The following ZFHX3 variants were observed in gnomAD, a reference collection of about 807,000 sequenced individuals.
ZFHX3 encodes the protein zinc finger homeobox 3.
A neutral mutation model predicts 279.1 loss-of-function variants in ZFHX3; 42 were observed. The observed-to-expected ratio is 0.15, with a 90% confidence interval of 0.12 to 0.19. ZFHX3 has a LOEUF of 0.19. ZFHX3 is among the 10% of genes least tolerant of loss of function. The pLI, the probability that ZFHX3 is intolerant of heterozygous loss-of-function variation, is 1.00. For synonymous variants in ZFHX3, 2,293 were observed against 1,957.8 expected, an observed-to-expected ratio of 1.17 and a Z score of -4.52; for missense variants, 4,981 against 4,754.0, an observed-to-expected ratio of 1.05 and a Z score of -1.40.
chr16:73,040,064 A>T (rs1394042016), intron 1 of ZFHX3, among the ~76,000 whole-genome samples: 1 of 152,216 alleles, frequency 6.6e-6, no homozygotes, highest in Non-Finnish European at 1.5e-5. Flanking sequence ...GTAGGTAAAC[A>T]TGGGGCTTAA....
chr16:73,649,490 T>C (rs970685686), intron 2 of ZFHX3, among the ~76,000 whole-genome samples: 4 of 152,212 alleles, frequency 2.6e-5, no homozygotes, highest in Non-Finnish European at 4.4e-5. Flanking sequence ...TTTCAAGTGA[T>C]TGTCTTTGGG....
At position 72,950,787 on chromosome 16, in the gene ZFHX3, G is replaced by A. The variant is rs759413020; in HGVS notation, c.2898C>T (p.Asn966=). Reference sequence around the variant, plus strand: ...CGTCCTCCGACAGGCTGCGCTCCACGTTCATGTGCAGGCCCAGCATGTCCA... The same window carrying A: ...CGTCCTCCGACAGGCTGCGCTCCACATTCATGTGCAGGCCCAGCATGTCCA... ...DNLDMLGLHM[N]VERSLSEDEW... The change falls in exon 3 of 10, where the codon AAC becomes AAT. Residue 966 remains asparagine (N), a synonymous_variant. Coordinates refer to ENST00000268489, the MANE Select transcript of ZFHX3 (RefSeq NM_006885.4). 1.2e-5 allele frequency: 20 copies of A among 1,614,072 alleles called. 1 individual carries two copies. The highest frequency in any genetic ancestry group is 4.4e-5 in the South Asian group (4 of 91,088).
chr16:73,055,696 G>GCACACACACACACACACA (rs200899475), intron 1 of ZFHX3, among the ~76,000 whole-genome samples: 4 of 94,692 alleles, frequency 4.2e-5, no homozygotes, highest in African/African-American at 9.7e-5. Flanking sequence ...GCGCGCGCGC[G>GCACACACACACACACACA]CGCACACACA....
At chr16:73,435,964 T>C (rs770439454) in intron 3 of ZFHX3, among the ~76,000 whole-genome samples, 1 of 152,186 alleles carries the variant, frequency 6.6e-6, no homozygotes, top group Non-Finnish European at 1.5e-5. Context: ...CCCAGTGCAC[T>C]AGGGATGGCT....
intron 1 of ZFHX3, among the ~76,000 whole-genome samples, chr16:73,028,127 C>G (rs1045075664): frequency 6.6e-6 from 1 of 152,038 alleles, no homozygotes; most frequent in Non-Finnish European, 1.5e-5. Context: ...GCGGCTTCTC[C>G]TTTTTTTGGG....
chr16:72,795,356 T>G lies in ZFHX3; in HGVS notation c.7326A>C (p.Gln2442His). The G allele has an allele frequency of 6.2e-7, 1 of 1,614,086 alleles. No individual in the cohort carries two copies. Among genetic ancestry groups the G allele is most frequent in the Non-Finnish European group, 8.5e-7 (1 of 1,180,018 alleles). ...LAEAPSAQPN[Q>H]TQEKQGQPKP... ...TTGGTTGTCCTTGCTTTTCTTGGGT[T>G]TGGTTTGGCTGTGCACTGGGAGCTT... Residue 2442 changes from glutamine (Q) to histidine (H), a missense_variant, in exon 9 of 10, where the codon CAA becomes CAC. Physicochemically the swap from Gln to His is conservative, Grantham distance 24. This residue lies in a region of ZFHX3 where 744 missense variants were observed against 701.3 expected (regional missense o/e 1.06). Transcript: ENST00000268489.
chr16:72,955,262 G>C (rs1961199304), intron 2 of ZFHX3, among the ~76,000 whole-genome samples: 2 of 152,194 alleles, frequency 1.3e-5, no homozygotes. Flanking sequence ...GACTGAGCTG[G>C]ATAAATCCTT....
chr16:73,449,622 A>T (rs2018248582), intron 3 of ZFHX3, among the ~76,000 whole-genome samples: 1 of 152,228 alleles, frequency 6.6e-6, no homozygotes, highest in African/African-American at 2.4e-5. Flanking sequence ...TTAATATAGA[A>T]GTATAAAATA....
intron 2 of ZFHX3, among the ~76,000 whole-genome samples, chr16:73,533,558 G>T (rs1424188395): frequency 6.6e-6 from 1 of 151,844 alleles, no homozygotes; most frequent in East Asian, 1.9e-4. Context: ...AGGAGTCCCA[G>T]ATTTGTATGC....
chr16:72,931,304 A>G (rs529351577), intron 3 of ZFHX3, among the ~76,000 whole-genome samples: 1 of 151,994 alleles, frequency 6.6e-6, no homozygotes, highest in East Asian at 1.9e-4. Context: ...ACGGTTTCGC[A>G]TTAAGTTCTC....
intron 1 of ZFHX3, among the ~76,000 whole-genome samples, chr16:73,879,820 C>T (rs1218272192): frequency 3.3e-5 from 5 of 151,900 alleles, no homozygotes; most frequent in Non-Finnish European, 1.5e-5. Flanking sequence ...TTGCCACTGG[C>T]GCACCCACAC....
At chr16:73,563,223 T>TG in intron 2 of ZFHX3, among the ~76,000 whole-genome samples, 1 of 138,848 alleles carries the variant, frequency 7.2e-6, no homozygotes, top group Non-Finnish European at 1.6e-5. Flanking sequence ...TGTGTGTGTG[T>TG]TTTGTTTTTG....
At chr16:73,353,200 C>T (rs2016279130) in intron 3 of ZFHX3, among the ~76,000 whole-genome samples, 1 of 152,188 alleles carries the variant, frequency 6.6e-6, no homozygotes. Context: ...ACAGTTAGAA[C>T]CCGTCTGCAA....
At chr16:73,308,701 T>C (rs1432558534) in intron 4 of ZFHX3, among the ~76,000 whole-genome samples, 2 of 152,190 alleles carry the variant, frequency 1.3e-5, no homozygotes, top group Non-Finnish European at 2.9e-5. Context: ...TATGCATTTA[T>C]CGTCAACAAT....
chr16:73,865,043 A>T (rs1156543569), intron 1 of ZFHX3, among the ~76,000 whole-genome samples: 1 of 152,246 alleles, frequency 6.6e-6, no homozygotes, highest in Admixed American at 6.5e-5. Context: ...CATCATGTCA[A>T]CAAGCCCAGG....
At chr16:73,065,788 T>A (rs1965743860) in intron 8 of ZFHX3, among the ~76,000 whole-genome samples, 1 of 152,150 alleles carries the variant, frequency 6.6e-6, no homozygotes, top group African/African-American at 2.4e-5. Flanking sequence ...ACTTTCTCTT[T>A]TTCAAATAAA....
intron 1 of ZFHX3, among the ~76,000 whole-genome samples, chr16:72,997,580 GA>G (rs930590864): frequency 1.6e-4 from 24 of 152,272 alleles, no homozygotes; most frequent in African/African-American, 5.5e-4. Flanking sequence ...GGGGTAATCT[GA>G]AAAGCAAATA....
chr16:73,008,911 CGTGT>C (rs5817822), intron 1 of ZFHX3, among the ~76,000 whole-genome samples: 53,583 of 149,386 alleles, frequency 0.36, 10,572 homozygotes, highest in East Asian at 0.77. Flanking sequence ...AAAGTATATA[CGTGT>C]GTGTGTGTGT....
At chr16:72,962,661 A>G (rs1961633949) in intron 1 of ZFHX3, among the ~76,000 whole-genome samples, 1 of 152,092 alleles carries the variant, frequency 6.6e-6, no homozygotes, top group South Asian at 2.1e-4. Context: ...CTTAAGAGAC[A>G]TGCACTGTCT....
Sources: gnomAD v4.1 joint callset for allele counts (sites outside exome capture counted in the v4.1 genomes callset) on GRCh38, gnomAD v4.1.1 for gene constraint, gnomAD v4.1.1 regional missense constraint, MANE v1.5 for transcripts, NCBI Gene and HGNC (gene_info 2026-07-23, HGNC 2026-07-21) for gene names.